Variants in MDGA2 observed in about 807,000 individuals in gnomAD.
The protein encoded by MDGA2 is MAM domain containing glycosylphosphatidylinositol anchor 2.
MDGA2 carries 40 observed loss-of-function variants against 117.8 expected under a neutral mutation model. The ratio of observed to expected loss-of-function variants is 0.34; its 90% CI spans 0.26 to 0.44. The LOEUF is 0.44. MDGA2 is among the 20% of genes least tolerant of loss of function. The probability of loss-of-function intolerance (pLI) is 1.00; values close to 1 mark genes in which losing one functional copy is unlikely to be tolerated. For synonymous variants in MDGA2, 452 were observed against 439.0 expected (o/e 1.03, Z -0.37); for missense variants, 1,123 against 1,250.6 (o/e 0.90, Z 1.54).
chr14:46,991,714 A>C (rs1887099851), intron 8 of MDGA2, among the ~76,000 whole-genome samples: 1 of 152,144 alleles, frequency 6.6e-6, no homozygotes, highest in African/African-American at 2.4e-5. Flanking sequence ...TGAAACTAAA[A>C]CTTGGTCATT....
At chr14:47,639,491 A>G (rs1296905966) in intron 1 of MDGA2, among the ~76,000 whole-genome samples, 12 of 152,054 alleles carry the variant, frequency 7.9e-5, no homozygotes, top group Admixed American at 6.6e-4. Flanking sequence ...TTTTACAGTT[A>G]CTCATGGGCT....
intron 1 of MDGA2, among the ~76,000 whole-genome samples, chr14:47,429,654 C>A (rs1277225536): frequency 2.6e-5 from 4 of 152,034 alleles, no homozygotes; most frequent in African/African-American, 7.2e-5. Flanking sequence ...TGCTTAGTGC[C>A]TGCTTCACTT....
At chr14:47,154,628 C>G (rs2139243752) in intron 3 of MDGA2, among the ~76,000 whole-genome samples, 1 of 149,932 alleles carries the variant, frequency 6.7e-6, no homozygotes, top group African/African-American at 2.5e-5. Flanking sequence ...GCTGTCAAGA[C>G]CAGGCCTGGT....
intron 2 of MDGA2, among the ~76,000 whole-genome samples, chr14:47,280,148 CTA>C (rs1888430930): frequency 6.6e-6 from 1 of 151,650 alleles, no homozygotes; most frequent in Non-Finnish European, 1.5e-5. Context: ...AACCCCGTCT[CTA>C]TTAAAAATAC....
intron 10 of MDGA2, 85 bp downstream of exon 10, chr14:46,919,927 T>C: frequency 8.1e-7 from 1 of 1,235,118 alleles, no homozygotes; most frequent in Non-Finnish European, 1.1e-6. Context: ...ATTTTGGAAT[T>C]CATGCAAAAC....
At chr14:47,559,843 G>C (rs958381608) in intron 1 of MDGA2, among the ~76,000 whole-genome samples, 7 of 152,248 alleles carry the variant, frequency 4.6e-5, no homozygotes, top group African/African-American at 1.7e-4. Flanking sequence ...AAAGTGCTGG[G>C]ATTACAGGCA....
chr14:47,343,433 A>G (rs778673860), intron 1 of MDGA2, among the ~76,000 whole-genome samples: 2 of 152,082 alleles, frequency 1.3e-5, no homozygotes, highest in Non-Finnish European at 2.9e-5. Context: ...TCATGTCACT[A>G]CATTTCACTT....
At chr14:47,440,287 G>A (rs1453086939) in intron 1 of MDGA2, among the ~76,000 whole-genome samples, 1 of 152,058 alleles carries the variant, frequency 6.6e-6, no homozygotes, top group Non-Finnish European at 1.5e-5. Context: ...TCTGGCCCCT[G>A]ATCTGACATC....
chr14:47,550,238 T>C (rs965330459), intron 1 of MDGA2, among the ~76,000 whole-genome samples: 5 of 152,228 alleles, frequency 3.3e-5, no homozygotes, highest in African/African-American at 1.2e-4. Context: ...TTATAAAATG[T>C]CTTTCAAAGA....
chr14:46,869,708 C>T (rs1490269142), intron 14 of MDGA2, among the ~76,000 whole-genome samples: 2 of 151,822 alleles, frequency 1.3e-5, no homozygotes, highest in African/African-American at 2.4e-5. Flanking sequence ...ACCAGACAGA[C>T]ATATGGGATA....
chr14:47,570,539 T>G (rs1324443776), intron 1 of MDGA2, among the ~76,000 whole-genome samples: 1 of 152,236 alleles, frequency 6.6e-6, no homozygotes, highest in South Asian at 2.1e-4. Flanking sequence ...TGTATTTCCA[T>G]TTCATATTAT....
intron 3 of MDGA2, among the ~76,000 whole-genome samples, chr14:47,166,228 G>A (rs1883871071): frequency 6.6e-6 from 1 of 151,796 alleles, no homozygotes; most frequent in Admixed American, 6.6e-5. Context: ...TAGAGATAGG[G>A]TTTTACCGTG....
chr14:46,958,217 G>A (rs4898558), intron 8 of MDGA2, among the ~76,000 whole-genome samples: 17,919 of 152,134 alleles, frequency 0.12, 2,002 homozygotes, highest in African/African-American at 0.27. Context: ...ATGTATAGGA[G>A]ATGGTCAGGT....
At chr14:47,267,642 T>C (rs1323364353) in intron 2 of MDGA2, among the ~76,000 whole-genome samples, 1 of 152,200 alleles carries the variant, frequency 6.6e-6, no homozygotes, top group African/African-American at 2.4e-5. Flanking sequence ...ATAGGTTACT[T>C]CTAATGAACA....
intron 8 of MDGA2, among the ~76,000 whole-genome samples, chr14:47,029,809 T>A (rs1243199547): frequency 6.6e-6 from 1 of 152,082 alleles, no homozygotes; most frequent in African/African-American, 2.4e-5. Flanking sequence ...AATAAGCATA[T>A]CCTGTATCCT....
At chr14:47,648,018 G>A (rs1897569316) in intron 1 of MDGA2, among the ~76,000 whole-genome samples, 1 of 151,986 alleles carries the variant, frequency 6.6e-6, no homozygotes, top group Admixed American at 6.6e-5. Flanking sequence ...ACAAATAAAT[G>A]CCTACAAAAC....
At chr14:46,978,158 T>A (rs186831409) in intron 8 of MDGA2, among the ~76,000 whole-genome samples, 15 of 152,060 alleles carry the variant, frequency 9.9e-5, no homozygotes, top group Admixed American at 9.2e-4. Flanking sequence ...CTAAAATGAT[T>A]ATAATTCCAG....
At position 47,129,397 on chromosome 14, in the gene MDGA2, C is replaced by G. The variant is rs1882078878; in HGVS notation, c.925+2317G>C. On this transcript the variant is annotated intron_variant, in intron 5 of 16. Coordinates refer to ENST00000399232, the MANE Select transcript of MDGA2 (RefSeq NM_001113498.3). ...GAGAATGAAGATTTCCAATTTCATC[C>G]ATGTCCCCACAAAGGACATGAACTC... Among the ~76,000 whole-genome samples the G allele has an allele frequency of 4.6e-5, 7 of 152,236 alleles. No individual in the cohort carries two copies. The South Asian group carries it at 1.5e-3, about 32-fold the overall frequency.
chr14:47,299,784 C>G (rs1291043754), intron 2 of MDGA2, among the ~76,000 whole-genome samples: 1 of 151,970 alleles, frequency 6.6e-6, no homozygotes, highest in Middle Eastern at 3.2e-3. Flanking sequence ...TTTTTTCTAT[C>G]AAGCGTAATT....
Sources: gnomAD v4.1 joint callset for allele counts (sites outside exome capture counted in the v4.1 genomes callset) on GRCh38, gnomAD v4.1.1 for gene constraint, MANE v1.5 for transcripts, NCBI Gene and HGNC (gene_info 2026-07-23, HGNC 2026-07-21) for gene names.